Variants in EXOC6 observed in about 807,000 individuals in gnomAD.
EXOC6 encodes the protein SEC15-like 1.
Under a neutral mutation model 112.5 loss-of-function variants are expected in EXOC6, and 60 were observed. The observed-to-expected ratio is 0.53, with a 90% CI of 0.43 to 0.66. The LOEUF (loss-of-function observed/expected upper bound fraction) is 0.66. EXOC6 is among the 30% of genes least tolerant of loss of function. The probability of loss-of-function intolerance (pLI) is 0.00; values close to 1 mark genes in which losing one functional copy is unlikely to be tolerated. For synonymous variants in EXOC6, 295 were observed against 308.0 expected, an observed-to-expected ratio of 0.96 and a Z score of 0.44; for missense variants, 855 against 957.1, an observed-to-expected ratio of 0.89 and a Z score of 1.41.
intron 18 of EXOC6, among the ~76,000 whole-genome samples, chr10:92,984,212 A>G (rs1707234675): frequency 6.6e-6 from 1 of 152,206 alleles, no homozygotes; most frequent in African/African-American, 2.4e-5. Flanking sequence ...ATCATGGCCA[A>G]ATAGATTTTT....
intron 20 of EXOC6, among the ~76,000 whole-genome samples, chr10:93,046,023 TA>T (rs1845987538): frequency 6.6e-6 from 1 of 152,250 alleles, no homozygotes; most frequent in South Asian, 2.1e-4. Context: ...AGATGTCAAG[TA>T]AATGATAACA....
chr10:92,867,235 A>G (rs1228052678), intron 1 of EXOC6, among the ~76,000 whole-genome samples: 5 of 152,196 alleles, frequency 3.3e-5, no homozygotes, highest in Non-Finnish European at 7.3e-5. Flanking sequence ...CTAACAAACC[A>G]AAGTCTCTTT....
intron 13 of EXOC6, among the ~76,000 whole-genome samples, chr10:92,945,242 A>C (rs893390485): frequency 3.9e-5 from 6 of 151,926 alleles, no homozygotes; most frequent in Admixed American, 2.0e-4. Context: ...TATTGAGTTG[A>C]GTTCCTTATG....
intron 19 of EXOC6, among the ~76,000 whole-genome samples, chr10:93,010,653 T>A (rs994587107): frequency 6.7e-6 from 1 of 149,412 alleles, no homozygotes; most frequent in Non-Finnish European, 1.5e-5. Context: ...GAGCCAAGAT[T>A]GCGCCACTGC....
upstream of EXOC6, among the ~76,000 whole-genome samples, chr10:92,847,937 C>T (rs1847117359): frequency 6.7e-6 from 1 of 149,498 alleles, no homozygotes; most frequent in South Asian, 2.1e-4. Flanking sequence ...AGTTGACTGG[C>T]CGCTGTGGAC....
rs1589704727 is a variant in EXOC6, at chr10:92,855,698, C to A, written c.101+7064C>A. Among the ~76,000 whole-genome samples the A allele has an allele frequency of 2.0e-5, 3 of 151,888 alleles. No individual in the cohort carries two copies. In the East Asian group the frequency reaches 5.8e-4, roughly 29 times the overall value. ...TTTTAGTTGTTGACATATAATTGCTCATAACTTTTTCTTATTTTTATTTCT... is the reference window on the plus strand; with the variant it reads ...TTTTAGTTGTTGACATATAATTGCTAATAACTTTTTCTTATTTTTATTTCT... On this transcript the variant is annotated intron_variant, in intron 1 of 21. Transcript: ENST00000260762.
chr10:92,831,400 A>C, upstream of EXOC6: 1 of 1,151,222 alleles, frequency 8.7e-7, no homozygotes, highest in Non-Finnish European at 1.2e-6. Context: ...ACTACTTTAG[A>C]GTATAGTATT....
In EXOC6 at chr10:92,997,562, A is replaced by C; in HGVS notation, c.2042A>C (p.Gln681Pro). The change falls in exon 19 of 22, where the codon CAA becomes CCA. Residue 681 changes from glutamine (Q) to proline (P), a missense_variant. By Grantham distance (76) the Gln-to-Pro change is moderately conservative. Coordinates refer to ENST00000260762, the MANE Select transcript of EXOC6 (RefSeq NM_019053.6). ...ATGCTACTGGACAGTGAGTTAAAAC[A>C]AATAAGCATGGGAGCTGTTCAGCAG... ...MQMLLDSELK[Q>P]ISMGAVQQFN... 1 of 1,613,910 alleles carries C rather than the reference A, an allele frequency of 6.2e-7. No individual in the cohort carries two copies. Among genetic ancestry groups the C allele is most frequent in the Non-Finnish European group, 8.5e-7 (1 of 1,179,846 alleles).
At chr10:92,967,678 C>CA (rs1485685908) in intron 17 of EXOC6, among the ~76,000 whole-genome samples, 1 of 151,992 alleles carries the variant, frequency 6.6e-6, no homozygotes, top group Non-Finnish European at 1.5e-5. Context: ...AGAGGCATCC[C>CA]AAAAAAGCAA....
chr10:92,996,512 G>A (rs1455013391), intron 18 of EXOC6, among the ~76,000 whole-genome samples: 1 of 151,838 alleles, frequency 6.6e-6, no homozygotes, highest in Non-Finnish European at 1.5e-5. Context: ...AGCTACTTGG[G>A]AGGCTGAGGC....
At chr10:92,865,051 TAA>T (rs1211138596) in intron 1 of EXOC6, among the ~76,000 whole-genome samples, 1 of 152,218 alleles carries the variant, frequency 6.6e-6, no homozygotes, top group Non-Finnish European at 1.5e-5. Flanking sequence ...TAAATGTTTT[TAA>T]AAATTCTGTT....
intron 20 of EXOC6, among the ~76,000 whole-genome samples, chr10:93,037,315 T>C (rs1689623230): frequency 6.6e-6 from 1 of 151,716 alleles, no homozygotes; most frequent in African/African-American, 2.4e-5. Context: ...GATTTTTGTA[T>C]TTTTTGTAGA....
At chr10:92,970,017 T>A (rs1196494496) in intron 17 of EXOC6, among the ~76,000 whole-genome samples, 1 of 152,192 alleles carries the variant, frequency 6.6e-6, no homozygotes, top group Non-Finnish European at 1.5e-5. Context: ...TCTATCCTTA[T>A]CTAGATTTTC....
At chr10:92,831,048 G>A (rs1448570515), upstream of EXOC6, among the ~76,000 whole-genome samples, 2 of 152,092 alleles carry the variant, frequency 1.3e-5, no homozygotes, top group Non-Finnish European at 1.5e-5. Flanking sequence ...GCGAACTTCC[G>A]GCAGGAAATG....
chr10:92,994,134 T>C (rs1843380136), intron 18 of EXOC6, among the ~76,000 whole-genome samples: 1 of 152,256 alleles, frequency 6.6e-6, no homozygotes, highest in African/African-American at 2.4e-5. Flanking sequence ...TCTCATTCTA[T>C]ATGCTTTGAC....
Position 92,894,852 on chromosome 10 carries a change from G to C in EXOC6, c.321+11G>C. 1 of 1,612,586 alleles carries C rather than the reference G, an allele frequency of 6.2e-7. No homozygotes were observed. Among genetic ancestry groups the C allele is most frequent in the Non-Finnish European group, 8.5e-7 (1 of 1,178,918 alleles). On this transcript the variant is annotated intron_variant, in intron 3 of 21. Coordinates refer to ENST00000260762, the MANE Select transcript of EXOC6 (RefSeq NM_019053.6). ...GATGCTGGAAAAGAGGTGAGAAAAT[G>C]ATACTTTTCTGGGTATTCAGTATGT...
chr10:92,948,018 A>T (rs975918089), intron 13 of EXOC6, among the ~76,000 whole-genome samples: 1 of 151,144 alleles, frequency 6.6e-6, no homozygotes, highest in African/African-American at 2.4e-5. Context: ...TTATTCTAGA[A>T]TGGAAAACTA....
At chr10:92,946,147 T>A (rs796733830) in intron 13 of EXOC6, among the ~76,000 whole-genome samples, 19 of 149,384 alleles carry the variant, frequency 1.3e-4, no homozygotes, top group African/African-American at 4.4e-4. Context: ...AAAAAAAAAA[T>A]TAGCTGGGCG....
chr10:92,835,918 A>G (rs763746224), intron 1 of EXOC6, among the ~76,000 whole-genome samples: 1 of 152,246 alleles, frequency 6.6e-6, no homozygotes, highest in Non-Finnish European at 1.5e-5. Context: ...GTAATTTTCA[A>G]TAGCAGAAAT....
Sources: allele counts gnomAD v4.1 joint callset (sites outside exome capture counted in the v4.1 genomes callset), GRCh38; gene constraint gnomAD v4.1.1; transcripts MANE v1.5; gene names NCBI Gene and HGNC (gene_info 2026-07-23, HGNC 2026-07-21).